The following SVIL variants were observed in gnomAD, a reference collection of about 807,000 sequenced individuals.
SVIL encodes supervillin.
SVIL carries 101 observed loss-of-function variants against 240.4 expected under a neutral mutation model. The ratio of observed to expected loss-of-function variants is 0.42; its 90% CI spans 0.36 to 0.50. The LOEUF is 0.50. Ranked by LOEUF, SVIL falls within the 20% of genes least tolerant of loss-of-function variation. The pLI is 0.01. For missense variants in SVIL, 2,512 were observed against 2,818.7 expected (o/e 0.89, Z 2.46); for synonymous variants, 999 against 1,100.0 (o/e 0.91, Z 1.82).
chr10:29,630,088 G>T (rs991096606), intron 1 of SVIL, among the ~76,000 whole-genome samples: 6 of 152,142 alleles, frequency 3.9e-5, no homozygotes, highest in African/African-American at 1.4e-4. Flanking sequence ...CTTCTACTCT[G>T]ACTGGTAAAA....
intron 2 of SVIL, among the ~76,000 whole-genome samples, chr10:29,678,583 C>G (rs961413694): frequency 6.6e-6 from 1 of 152,194 alleles, no homozygotes; most frequent in South Asian, 2.1e-4. Context: ...GGACCCTGCT[C>G]TAGAATCTTG....
At chr10:29,529,593 GC>G (rs755601792) in intron 12 of SVIL, 111 bp downstream of exon 12, 10 of 1,287,996 alleles carry the variant, frequency 7.8e-6, no homozygotes, top group Non-Finnish European at 1.0e-5. Context: ...CTTCTCTGTG[GC>G]TTCTAGCTAA....
chr10:29,671,325 T>C (rs964252323), intron 2 of SVIL, among the ~76,000 whole-genome samples: 3 of 152,218 alleles, frequency 2.0e-5, no homozygotes, highest in Non-Finnish European at 2.9e-5. Context: ...ATGTTTCCTT[T>C]CAATAACATT....
Position 29,514,227 on chromosome 10 carries a change from T to C in SVIL, c.3390-1366A>G, listed in dbSNP as rs140688248. ...TATCCATAAATATTAAATCCATAAATATTTTTTATTGTTATAAATTTGTTT... is the reference window on the plus strand; with the variant it reads ...TATCCATAAATATTAAATCCATAAACATTTTTTATTGTTATAAATTTGTTT... On this transcript the variant is annotated intron_variant, in intron 16 of 37. Transcript: ENST00000355867. Among the ~76,000 whole-genome samples, 620 of 152,216 alleles carry C rather than the reference T, an allele frequency of 4.1e-3. 3 individuals carry two copies. Among genetic ancestry groups the C allele is most frequent in the African/African-American group, 0.014 (598 of 41,468 alleles).
chr10:29,502,687 G>GT (rs1160505965), intron 17 of SVIL, among the ~76,000 whole-genome samples: 114 of 152,096 alleles, frequency 7.5e-4, no homozygotes, highest in African/African-American at 2.7e-3. Context: ...GTGTGTGTGT[G>GT]GGTGGGTGGG....
intron 17 of SVIL, 106 bp from the exon 18 acceptor site, chr10:29,499,369 G>C: frequency 1.4e-6 from 2 of 1,419,720 alleles, no homozygotes; most frequent in Admixed American, 3.7e-5. Flanking sequence ...ACAAAGAGGA[G>C]TAAGTATATT....
At chr10:29,728,117 T>C (rs1964400507) in intron 1 of SVIL, among the ~76,000 whole-genome samples, 1 of 152,094 alleles carries the variant, frequency 6.6e-6, no homozygotes. Context: ...AGTCTTAATA[T>C]GACCAATCAT....
chr10:29,510,039 A>C (rs1006387322), intron 17 of SVIL, among the ~76,000 whole-genome samples: 1 of 152,178 alleles, frequency 6.6e-6, no homozygotes, highest in Non-Finnish European at 1.5e-5. Flanking sequence ...AGTAGCTGGG[A>C]TCACAGTCGT....
intron 6 of SVIL, among the ~76,000 whole-genome samples, chr10:29,547,578 A>G (rs1209147172): frequency 6.6e-6 from 1 of 152,240 alleles, no homozygotes; most frequent in African/African-American, 2.4e-5. Flanking sequence ...AAATATGTCA[A>G]CAATGCTTTT....
chr10:29,490,621 C>T (rs559024059), intron 22 of SVIL, among the ~76,000 whole-genome samples: 14,332 of 150,818 alleles, frequency 0.095, 864 homozygotes, highest in Non-Finnish European at 0.13. Flanking sequence ...CCAGTATAAT[C>T]TGAATTAACT....
intron 1 of SVIL, among the ~76,000 whole-genome samples, chr10:29,577,974 G>A (rs1955778216): frequency 6.6e-6 from 1 of 152,074 alleles, no homozygotes; most frequent in Non-Finnish European, 1.5e-5. Flanking sequence ...AAAGTTAATG[G>A]ACCCAGTTGC....
intron 20 of SVIL, among the ~76,000 whole-genome samples, chr10:29,494,010 A>G (rs1269966713): frequency 1.3e-5 from 2 of 152,088 alleles, no homozygotes; most frequent in Non-Finnish European, 2.9e-5. Flanking sequence ...CTCTACAAAA[A>G]CAGAAAAAAA....
chr10:29,561,772 C>A (rs74129725), intron 3 of SVIL, among the ~76,000 whole-genome samples: 1 of 152,126 alleles, frequency 6.6e-6, no homozygotes, highest in Non-Finnish European at 1.5e-5. Flanking sequence ...GTACCGTGAA[C>A]GATTAATTTT....
intron 1 of SVIL, among the ~76,000 whole-genome samples, chr10:29,623,529 G>A (rs897577191): frequency 3.9e-5 from 6 of 152,202 alleles, no homozygotes; most frequent in Non-Finnish European, 8.8e-5. Context: ...ATCCAGGCAC[G>A]TCTAAGCTCT....
chr10:29,711,914 A>C (rs1963313847), intron 1 of SVIL: 1 of 145,460 alleles, frequency 6.9e-6, no homozygotes, highest in Non-Finnish European at 1.6e-5. Context: ...ATTACAGTAC[A>C]TGTACTAAAA....
At chr10:29,716,531 A>C (rs1963619756) in intron 1 of SVIL, among the ~76,000 whole-genome samples, 1 of 152,248 alleles carries the variant, frequency 6.6e-6, no homozygotes, top group Non-Finnish European at 1.5e-5. Context: ...GCAAAAGGAG[A>C]AAGCTGTGTG....
intron 2 of SVIL, among the ~76,000 whole-genome samples, chr10:29,684,510 T>C (rs922777097): frequency 2.5e-4 from 38 of 152,046 alleles, no homozygotes; most frequent in African/African-American, 8.7e-4. Context: ...GTTGAAAGAG[T>C]TAAGTTATTG....
intron 6 of SVIL, among the ~76,000 whole-genome samples, chr10:29,549,550 C>T (rs1244169680): frequency 6.8e-6 from 1 of 146,342 alleles, no homozygotes; most frequent in Non-Finnish European, 1.5e-5. Context: ...ATAAATCATT[C>T]TGCTATAAAG....
At chr10:29,552,789 A>G (rs774747029) in intron 5 of SVIL, among the ~76,000 whole-genome samples, 4 of 152,138 alleles carry the variant, frequency 2.6e-5, no homozygotes, top group Admixed American at 6.6e-5. Flanking sequence ...TGAATTGAGA[A>G]GAGAGATATG....
Sources: allele counts gnomAD v4.1 joint callset (sites outside exome capture counted in the v4.1 genomes callset), GRCh38; gene constraint gnomAD v4.1.1; transcripts MANE v1.5; gene names NCBI Gene and HGNC (gene_info 2026-07-23, HGNC 2026-07-21).